UCN3: variants seen among roughly 807,000 people sequenced by gnomAD.
UCN3 encodes urocortin 3.
UCN3 carries 3 observed loss-of-function variants against 3.6 expected under a neutral mutation model. That is an observed-to-expected ratio of 0.83 (90% CI 0.38 to 2.15). UCN3 has a LOEUF of 2.15. Ranked by LOEUF, UCN3 falls within the 30% of genes most tolerant of loss-of-function variation. The pLI is 0.06. For synonymous variants in UCN3, 100 were observed against 93.2 expected (o/e 1.07, Z -0.42); for missense variants, 206 against 208.3 (o/e 0.99, Z 0.07).
intron 1 of UCN3, among the ~76,000 whole-genome samples, chr10:5,372,756 T>C (rs576016131): frequency 4.0e-5 from 6 of 148,748 alleles, no homozygotes; most frequent in Middle Eastern, 3.5e-3. Flanking sequence ...GGTCTTACTA[T>C]GTTGCCCAAA....
intron 1 of UCN3, among the ~76,000 whole-genome samples, chr10:5,370,818 TGTGTGCGCGCGTG>T: frequency 9.1e-6 from 1 of 110,032 alleles, no homozygotes; most frequent in Non-Finnish European, 1.9e-5. Context: ...TGTGTGCGTG[TGTGTGCGCGCGTG>T]TGTGTGCGCG....
Position 5,371,242 on chromosome 10 carries a change from ATATG to A in UCN3, c.-6-2467_-6-2464del, listed in dbSNP as rs1459806713. On this transcript the variant is annotated intron_variant, in intron 1 of 1. Coordinates refer to ENST00000380433, the MANE Select transcript of UCN3 (RefSeq NM_053049.4). ...TGTGCATGTATAAATATGCATGTCTATATGTATGTGTGAGGTGTGTGTGCGTGTA... is the reference window on the plus strand; with the variant it reads ...TGTGCATGTATAAATATGCATGTCTATATGTGTGAGGTGTGTGTGCGTGTA... Among the ~76,000 whole-genome samples the A allele has an allele frequency of 2.7e-4, 40 of 149,102 alleles. 2 individuals are homozygous for A. Among genetic ancestry groups the A allele is most frequent in the Admixed American group, 2.1e-3 (32 of 15,034 alleles).
In UCN3 at chr10:5,365,347, G is replaced by A. The variant is rs1431808358; in HGVS notation, c.-7+117G>A. On this transcript the variant is annotated intron_variant, in intron 1 of 1. Transcript: ENST00000380433. The surrounding 1 kb of genome is among the most constrained non-coding windows in gnomAD (Gnocchi z 4.4). ...TGAGAGCTGCTAGCGCCCCTGGGTG[G>A]AAGCCCAAGGGAGCGATGCTGAACG... 1 of 152,344 alleles carries A rather than the reference G, an allele frequency of 6.6e-6. No individual in the cohort carries two copies. The highest frequency in any genetic ancestry group is 1.5e-5 in the Non-Finnish European group (1 of 68,154). The allele number at this position is 152,344 out of a possible 1,614,324, so 9.4% of individuals were successfully genotyped here.
chr10:5,371,194 T>C (rs1831421928), intron 1 of UCN3, among the ~76,000 whole-genome samples: 1 of 151,190 alleles, frequency 6.6e-6, no homozygotes, highest in Non-Finnish European at 1.5e-5. Context: ...TGTGTACGTG[T>C]GAGGTGTGTA....
rs1463840167 is a variant in UCN3 at position 5,366,363 on chromosome 10, G to A, written c.-7+1133G>A. On this transcript the variant is annotated intron_variant, in intron 1 of 1. Transcript: ENST00000380433. This position sits in a 1 kb window ranked among gnomAD's most constrained non-coding sequence, Gnocchi z 4.2. The stretch of plus-strand genomic sequence containing the variant: ...AGGTGTAGAGCTTTGCCCCTCAAAT[G>A]TATTAATAACTAGATGGTGCCCAGT... Among the ~76,000 whole-genome samples, 4 of 151,916 alleles carry A rather than the reference G, an allele frequency of 2.6e-5. No homozygotes were observed. The highest frequency in any genetic ancestry group is 9.7e-5 in the African/African-American group (4 of 41,346).
At chr10:5,371,498 TAGAAA>T (rs1334303026) in intron 1 of UCN3, among the ~76,000 whole-genome samples, 1 of 152,106 alleles carries the variant, frequency 6.6e-6, no homozygotes, top group Non-Finnish European at 1.5e-5. Context: ...GATCCTCCTT[TAGAAA>T]GAGACCCAGG....
rs1554811786 is a variant in UCN3 at position 5,373,936 on chromosome 10, G to A, written c.216G>A (p.Glu72=). The A allele has an allele frequency of 6.2e-7, 1 of 1,612,758 alleles. No individual in the cohort carries two copies. The highest frequency in any genetic ancestry group is 2.2e-5 in the East Asian group (1 of 44,796). The change falls in exon 2 of 2, where the codon GAG becomes GAA. Residue 72 remains glutamate, a synonymous_variant. Transcript: ENST00000380433. ...GCAGAGACGCCTCTTCGGGAGAGGA[G>A]GAGGAGGGCAAAGAGAAAAAGACTT... ...LRSRDASSGE[E]EEGKEKKTFP... is the part of the protein sequence containing the mutation.
intron 1 of UCN3, among the ~76,000 whole-genome samples, chr10:5,370,223 G>GTGTGTATA: frequency 7.3e-5 from 1 of 13,774 alleles, no homozygotes. Context: ...GTGTGTGTAT[G>GTGTGTATA]TGCGTGTGTG....
At chr10:5,372,021 C>T (rs1215323400) in intron 1 of UCN3, among the ~76,000 whole-genome samples, 1 of 152,236 alleles carries the variant, frequency 6.6e-6, no homozygotes, top group Non-Finnish European at 1.5e-5. Context: ...AGAGAACAGG[C>T]ATGTCGGGGT....
intron 1 of UCN3, among the ~76,000 whole-genome samples, chr10:5,372,369 T>G (rs1588402702): frequency 6.6e-6 from 1 of 152,162 alleles, no homozygotes; most frequent in Non-Finnish European, 1.5e-5. Flanking sequence ...AGGGTGCAGG[T>G]GGCTCAGCAC....
At chr10:5,372,547 G>C (rs1464145772) in intron 1 of UCN3, among the ~76,000 whole-genome samples, 1 of 152,046 alleles carries the variant, frequency 6.6e-6, no homozygotes, top group Non-Finnish European at 1.5e-5. Flanking sequence ...TAATGCTTAG[G>C]GTTTTTTTCT....
At chr10:5,370,388 C>CGTGTGTATATGCGTGTGTATGT (rs1831360174) in intron 1 of UCN3, among the ~76,000 whole-genome samples, 1 of 27,960 alleles carries the variant, frequency 3.6e-5, no homozygotes, top group Non-Finnish European at 5.5e-5. Flanking sequence ...CGTGTATATG[C>CGTGTGTATATGCGTGTGTATGT]GTGTGTATAT....
chr10:5,374,223 G>A lies in UCN3; in HGVS notation c.*17G>A, dbSNP rs782449982. 22 of 1,515,546 alleles carry A rather than the reference G, an allele frequency of 1.5e-5. No individual in the cohort carries two copies. Among genetic ancestry groups the A allele is most frequent in the East Asian group, 2.4e-5 (1 of 42,226 alleles). The allele number at this position is 1,515,546 out of a possible 1,614,324, so 93.9% of individuals were successfully genotyped here. Reference sequence around the variant, plus strand: ...AAGAAGTAGAGGCGGAGGCTGGACGGGAGGGCAGCGGGGTGGGGAGGGGGA... The same window carrying A: ...AAGAAGTAGAGGCGGAGGCTGGACGAGAGGGCAGCGGGGTGGGGAGGGGGA... On this transcript the variant is annotated 3_prime_UTR_variant, in exon 2 of 2. Coordinates refer to ENST00000380433, the MANE Select transcript of UCN3 (RefSeq NM_053049.4).
At chr10:5,373,432 T>C (rs573801834) in intron 1 of UCN3, among the ~76,000 whole-genome samples, 2 of 152,346 alleles carry the variant, frequency 1.3e-5, no homozygotes, top group African/African-American at 4.8e-5. Context: ...AATGAGGTCA[T>C]GGTTCTCACA....
Position 5,373,874 on chromosome 10 carries a change from T to A in UCN3, c.154T>A (p.Ser52Thr), listed in dbSNP as rs200857909. The A allele has an allele frequency of 8.7e-6, 14 of 1,614,044 alleles. No individual in the cohort carries two copies. The highest frequency in any genetic ancestry group is 1.6e-4 in the Middle Eastern group (1 of 6,062). The change falls in exon 2 of 2, where the codon TCC (serine) becomes ACC (threonine). Residue 52 changes from serine to threonine, a missense_variant. Transcript: ENST00000380433. ...TGAGAAGGGCCAGTGGGAGGATGCA[T>A]CCCTGCTGAGCAAGAGGAGCTTCCA... is the stretch of plus-strand genomic sequence containing the variant. ...EAEKGQWEDA[S>T]LLSKRSFHYL...
rs371155955 is a variant in UCN3, at chr10:5,370,259, A to G, written c.-6-3456A>G. Among the ~76,000 whole-genome samples, 7 of 58,326 alleles carry G rather than the reference A, an allele frequency of 1.2e-4. 1 individual carries two copies. The highest frequency in any genetic ancestry group is 2.3e-4 in the Non-Finnish European group (7 of 30,778). 38.3% of individuals were successfully genotyped at this position (58,326 alleles called of 152,430 possible). A position where few individuals can be genotyped will look rare whatever the true frequency, so the allele number is the denominator to read the frequency against. ...TATGCGTGTGTGTATGCGTGTGTAT[A>G]TGCGTGTGTATATGCGTGTGTATAT... On this transcript the variant is annotated intron_variant, in intron 1 of 1. Transcript: ENST00000380433.
At chr10:5,370,545 ATATG>A (rs1831374550) in intron 1 of UCN3, among the ~76,000 whole-genome samples, 1 of 55,400 alleles carries the variant, frequency 1.8e-5, no homozygotes, top group Non-Finnish European at 3.2e-5. Flanking sequence ...ATATGCGTGT[ATATG>A]TGTGTATATG....
chr10:5,370,872 T>TGTGTGTATATGCGTGTGTATATGC (rs782063612), intron 1 of UCN3, among the ~76,000 whole-genome samples: 1 of 81,680 alleles, frequency 1.2e-5, no homozygotes, highest in African/African-American at 5.1e-5. Flanking sequence ...CGTGTGTATG[T>TGTGTGTATATGCGTGTGTATATGC]GTGTGTATAT....
At chr10:5,368,344 C>T (rs1333537559) in intron 1 of UCN3, among the ~76,000 whole-genome samples, 2 of 152,176 alleles carry the variant, frequency 1.3e-5, no homozygotes, top group Admixed American at 6.5e-5. Context: ...AGAGTCCAGG[C>T]GCCTTTCATT....
Sources: gnomAD v4.1 joint callset for allele counts (sites outside exome capture counted in the v4.1 genomes callset) on GRCh38, gnomAD v4.1.1 for gene constraint, Gnocchi (gnomAD v3.1) non-coding constraint, MANE v1.5 for transcripts, NCBI Gene and HGNC (gene_info 2026-07-23, HGNC 2026-07-21) for gene names.